STK32B: variants seen among roughly 807,000 people sequenced by gnomAD.
STK32B encodes the protein serine/threonine kinase 32B.
Under a neutral mutation model 52.6 loss-of-function variants are expected in STK32B, and 43 were observed. That is an observed-to-expected ratio of 0.82 (90% CI 0.64 to 1.05). The LOEUF (loss-of-function observed/expected upper bound fraction) is 1.05. STK32B is among the 50% of genes least tolerant of loss of function. STK32B has a pLI of 0.00. For missense variants in STK32B, 621 were observed against 534.6 expected, an observed-to-expected ratio of 1.16 and a Z score of -1.59; for synonymous variants, 238 against 204.3, an observed-to-expected ratio of 1.17 and a Z score of -1.41.
chr4:5,319,521 C>G (rs1256339390), intron 3 of STK32B, among the ~76,000 whole-genome samples: 1 of 152,048 alleles, frequency 6.6e-6, no homozygotes, highest in Non-Finnish European at 1.5e-5. Context: ...TTACAAAGCC[C>G]TTCTTGAAGA....
chr4:5,400,495 C>T lies in STK32B; in HGVS notation c.472+2251C>T, dbSNP rs1053232748. Reference sequence around the variant, plus strand: ...CCCTGCATCCAGTCTTCTCCCTCTCCAGCCTCCCATTTCATCGAAAAGTCT... The same window carrying T: ...CCCTGCATCCAGTCTTCTCCCTCTCTAGCCTCCCATTTCATCGAAAAGTCT... On this transcript the variant is annotated intron_variant, in intron 5 of 11. Coordinates refer to ENST00000282908, the MANE Select transcript of STK32B (RefSeq NM_018401.3). The surrounding 1 kb of genome is among the most constrained non-coding windows in gnomAD (Gnocchi z 6.1). Among the ~76,000 whole-genome samples, 12 of 152,198 alleles carry T rather than the reference C, an allele frequency of 7.9e-5. No homozygotes were observed. The highest frequency in any genetic ancestry group is 2.9e-4 in the African/African-American group (12 of 41,440).
Position 5,303,222 on chromosome 4 carries a change from G to C in STK32B, c.261-27998G>C, listed in dbSNP as rs1321359838. On this transcript the variant is annotated intron_variant, in intron 3 of 11. Transcript: ENST00000282908. ...AGGAGGGGGCATTGCTGGATCAAATGGTAGATCTGCTTTTAGTTCTTTAAG... is the reference window on the plus strand; with the variant it reads ...AGGAGGGGGCATTGCTGGATCAAATCGTAGATCTGCTTTTAGTTCTTTAAG... Among the ~76,000 whole-genome samples the C allele has an allele frequency of 4.6e-5, 7 of 152,034 alleles. 1 individual carries two copies. Among genetic ancestry groups the C allele is most frequent in the Non-Finnish European group, 1.0e-4 (7 of 68,000 alleles).
the STK32B span, among the ~76,000 whole-genome samples, chr4:5,029,752 T>C: frequency 2.6e-5 from 4 of 152,114 alleles, no homozygotes; most frequent in Admixed American, 6.5e-5. Context: ...AGCTGATAAA[T>C]GGTATTGTTT....
intron 3 of STK32B, among the ~76,000 whole-genome samples, chr4:5,306,504 C>T (rs567023067): frequency 2.0e-5 from 3 of 151,956 alleles, no homozygotes; most frequent in Non-Finnish European, 4.4e-5. Context: ...TCTTTATCCA[C>T]CCCTTTACCT....
At chr4:5,143,133 A>ATCTGTCTG (rs1215520273) in intron 2 of STK32B, among the ~76,000 whole-genome samples, 1 of 57,796 alleles carries the variant, frequency 1.7e-5, no homozygotes, top group Non-Finnish European at 5.4e-5. Flanking sequence ...CTGTCTGTCT[A>ATCTGTCTG]TCTGTCTGTC....
intron 3 of STK32B, among the ~76,000 whole-genome samples, chr4:5,214,942 C>T (rs764899674): frequency 1.4e-4 from 22 of 152,064 alleles, no homozygotes; most frequent in Non-Finnish European, 2.4e-4. Flanking sequence ...ATGTATTTTA[C>T]GTAGGTATTT....
chr4:5,126,070 G>A (rs1715347979), intron 1 of STK32B, among the ~76,000 whole-genome samples: 1 of 152,188 alleles, frequency 6.6e-6, no homozygotes, highest in East Asian at 1.9e-4. Context: ...GGCACATCAT[G>A]TGGGTCTGGG....
At chr4:5,225,849 C>T (rs908055384) in intron 3 of STK32B, among the ~76,000 whole-genome samples, 1 of 152,150 alleles carries the variant, frequency 6.6e-6, no homozygotes, top group African/African-American at 2.4e-5. Flanking sequence ...TGGTCTTTTG[C>T]TTAGTAACTC....
intron 1 of STK32B, among the ~76,000 whole-genome samples, chr4:5,127,343 CAGGCAGCTCTTG>C (rs1715465649): frequency 6.6e-6 from 1 of 152,142 alleles, no homozygotes; most frequent in Admixed American, 6.5e-5. Flanking sequence ...GTCTGATAAC[CAGGCAGCTCTTG>C]AGTGCAGAGG....
At chr4:5,286,155 A>G (rs917337539) in intron 3 of STK32B, among the ~76,000 whole-genome samples, 1 of 152,198 alleles carries the variant, frequency 6.6e-6, no homozygotes, top group Non-Finnish European at 1.5e-5. Context: ...CGTTTAAGCC[A>G]CCTGGCTGTG....
intron 3 of STK32B, among the ~76,000 whole-genome samples, chr4:5,218,879 C>T (rs936519433): frequency 4.6e-5 from 7 of 152,176 alleles, no homozygotes; most frequent in East Asian, 1.9e-4. Flanking sequence ...GACTGGGCAC[C>T]GCCTGCTCCC....
In STK32B at chr4:5,051,896, G is replaced by A. The variant is rs777383462; in HGVS notation, c.33G>A (p.Val11=). 129 of 1,599,908 alleles carry A rather than the reference G, an allele frequency of 8.1e-5. 3 individuals carry two copies. In the South Asian group the frequency reaches 8.7e-4, roughly 11 times the overall value. Reference sequence around the variant, plus strand: ...GGAACCACTCCCACAAGCCCCCCGTGTTTGACGAGAATGAGGAAGGTAAGA... The same window carrying A: ...GGAACCACTCCCACAAGCCCCCCGTATTTGACGAGAATGAGGAAGGTAAGA... MGGNHSHKPP[V]FDENEEVNFD... Residue 11 remains valine (V), a synonymous_variant, in exon 1 of 12, where the codon GTG becomes GTA. Transcript: ENST00000282908.
chr4:5,113,924 C>A (rs937577911), intron 1 of STK32B, among the ~76,000 whole-genome samples: 6 of 136,228 alleles, frequency 4.4e-5, no homozygotes, highest in Non-Finnish European at 9.6e-5. Flanking sequence ...GCAGGGAAAC[C>A]CGCCCCCCTT....
In STK32B at chr4:5,468,067, A is replaced by G; in HGVS notation, c.1103A>G (p.Glu368Gly). 6.2e-7 allele frequency: 1 copy of G among 1,614,100 alleles called. No homozygotes were observed. The highest frequency in any genetic ancestry group is 8.5e-7 in the Non-Finnish European group (1 of 1,179,946). ...VREEFIIFNR[E>G]KLRRQQGQGS... ...GAGGAATTCATCATATTCAACAGAG[A>G]GAAGTAAGTCCTTCATACTGTCCCC... The change falls in exon 11 of 12, where the codon GAG (glutamate) becomes GGG (glycine). Residue 368 changes from glutamate (E) to glycine (G), a missense_variant. Transcript: ENST00000282908.
At chr4:5,241,270 T>C (rs1349516999) in intron 3 of STK32B, among the ~76,000 whole-genome samples, 1 of 152,228 alleles carries the variant, frequency 6.6e-6, no homozygotes, top group Admixed American at 6.5e-5. Context: ...TGCACTTATC[T>C]GGGTTTTGGT....
chr4:5,464,438 ACT>A (rs1325570594), intron 9 of STK32B, among the ~76,000 whole-genome samples: 2 of 152,082 alleles, frequency 1.3e-5, no homozygotes, highest in Non-Finnish European at 1.5e-5. Flanking sequence ...TGGTGAGAAC[ACT>A]CTGTCGCAGT....
chr4:5,363,184 T>A (rs1183291920), intron 4 of STK32B, among the ~76,000 whole-genome samples: 1 of 152,236 alleles, frequency 6.6e-6, no homozygotes, highest in Non-Finnish European at 1.5e-5. Flanking sequence ...GAGCATAGAA[T>A]GCAGTCATGA....
intron 2 of STK32B, among the ~76,000 whole-genome samples, chr4:5,165,959 C>T (rs1244102111): frequency 6.6e-6 from 1 of 152,204 alleles, no homozygotes; most frequent in Non-Finnish European, 1.5e-5. Context: ...TGTTTGGTTT[C>T]ACCCCAGTGG....
intron 1 of STK32B, among the ~76,000 whole-genome samples, chr4:5,062,237 G>A (rs1253062616): frequency 6.6e-6 from 1 of 152,138 alleles, no homozygotes; most frequent in Non-Finnish European, 1.5e-5. Context: ...CTTTCTCGAT[G>A]ATAACATATT....
Sources: gnomAD v4.1 joint callset for allele counts (sites outside exome capture counted in the v4.1 genomes callset) on GRCh38, gnomAD v4.1.1 for gene constraint, Gnocchi (gnomAD v3.1) non-coding constraint, MANE v1.5 for transcripts, NCBI Gene and HGNC (gene_info 2026-07-23, HGNC 2026-07-21) for gene names.